The following TFEB variants were observed in gnomAD, a reference collection of about 807,000 sequenced individuals.
The protein encoded by TFEB is T-cell transcription factor EB.
In TFEB, 12 loss-of-function variants were observed where a neutral mutation model predicts 48.0. That is an observed-to-expected ratio of 0.25 (90% confidence interval 0.16 to 0.40). The LOEUF (loss-of-function observed/expected upper bound fraction) is 0.40, where lower values mean the gene tolerates loss of function less well. Ranked by LOEUF, TFEB falls within the 10% of genes least tolerant of loss-of-function variation. TFEB has a pLI of 1.00. For synonymous variants in TFEB, 244 were observed against 261.4 expected (o/e 0.93, Z 0.64); for missense variants, 509 against 640.3 (o/e 0.79, Z 2.21).
At chr6:41,709,766 T>C (rs1770400096) in intron 1 of TFEB, among the ~76,000 whole-genome samples, 1 of 152,192 alleles carries the variant, frequency 6.6e-6, no homozygotes, top group Admixed American at 6.6e-5. Context: ...TCTGGTTCAA[T>C]ATCCCTTTCC....
At chr6:41,713,822 G>A (rs1233896141) in intron 1 of TFEB, among the ~76,000 whole-genome samples, 1 of 152,138 alleles carries the variant, frequency 6.6e-6, no homozygotes, top group Non-Finnish European at 1.5e-5. Flanking sequence ...CAGTCATAAC[G>A]ACACAGATAG....
intron 1 of TFEB, among the ~76,000 whole-genome samples, chr6:41,731,547 G>T (rs576637830): frequency 6.6e-6 from 1 of 151,806 alleles, no homozygotes; most frequent in East Asian, 1.9e-4. Context: ...TAGAAGGTTC[G>T]CTTTGGAGGG....
intron 1 of TFEB, among the ~76,000 whole-genome samples, chr6:41,705,214 C>T (rs946361245): frequency 5.9e-5 from 9 of 152,190 alleles, no homozygotes. Context: ...TGGAGGCTCC[C>T]ACAGCAGGTC....
intron 1 of TFEB, among the ~76,000 whole-genome samples, chr6:41,696,805 C>A (rs185901793): frequency 6.6e-6 from 1 of 152,128 alleles, no homozygotes; most frequent in African/African-American, 2.4e-5. Context: ...AGATGACTCT[C>A]GCAGACATAA....
chr6:41,685,395 G>A (rs770794818), intron 8 of TFEB, among the ~76,000 whole-genome samples: 29 of 152,208 alleles, frequency 1.9e-4, no homozygotes, highest in Non-Finnish European at 3.7e-4. Flanking sequence ...TATTAAGGAC[G>A]AGGGGAGCGT....
chr6:41,696,200 G>A (rs969942757), intron 1 of TFEB, among the ~76,000 whole-genome samples: 3 of 152,160 alleles, frequency 2.0e-5, no homozygotes, highest in Non-Finnish European at 4.4e-5. Context: ...ACTGCCTTGG[G>A]GATTTTTCTG....
At chr6:41,707,897 C>T (rs906641269) in intron 1 of TFEB, among the ~76,000 whole-genome samples, 3 of 152,284 alleles carry the variant, frequency 2.0e-5, no homozygotes, top group Middle Eastern at 3.4e-3. Context: ...AAGAGGCAGG[C>T]GCAGTGACAG....
rs1307199696 is a variant in TFEB, at chr6:41,730,021, G to A, written c.-23+5329C>T. ...CATGGAATTTGCAGAAACACCGGGA[G>A]GGGCCCAGCATCTGTGTTTAAACAA... On this transcript the variant is annotated intron_variant, in intron 1 of 8. Coordinates refer to ENST00000373033, the MANE Select transcript of TFEB (RefSeq NM_001271944.2). The surrounding 1 kb of genome is among the most constrained non-coding windows in gnomAD (Gnocchi z 4.1). Among the ~76,000 whole-genome samples, 2 of 152,156 alleles carry A rather than the reference G, an allele frequency of 1.3e-5. No homozygotes were observed. Among genetic ancestry groups the A allele is most frequent in the African/African-American group, 4.8e-5 (2 of 41,422 alleles).
intron 1 of TFEB, among the ~76,000 whole-genome samples, chr6:41,699,226 T>A (rs2127454962): frequency 6.6e-6 from 1 of 152,372 alleles, no homozygotes; most frequent in South Asian, 2.1e-4. Context: ...TAAGTTGTCT[T>A]GCAGGTGTGA....
At chr6:41,711,116 G>A (rs577653685) in intron 1 of TFEB, among the ~76,000 whole-genome samples, 8 of 152,370 alleles carry the variant, frequency 5.3e-5, no homozygotes, top group South Asian at 4.1e-4. Flanking sequence ...TTCTAAAGCC[G>A]TGATAGAGCC....
intron 6 of TFEB, 84 bp downstream of exon 6, chr6:41,687,669 G>A (rs1330086313): frequency 6.4e-7 from 1 of 1,567,052 alleles, no homozygotes; most frequent in Non-Finnish European, 8.8e-7. Flanking sequence ...CCTTCCACCA[G>A]TGCAGGTCAG....
chr6:41,695,114 A>G (rs1769509207), intron 1 of TFEB, among the ~76,000 whole-genome samples: 1 of 152,202 alleles, frequency 6.6e-6, no homozygotes, highest in Non-Finnish European at 1.5e-5. Context: ...CGACTTCAGA[A>G]AGCTACTTCA....
chr6:41,719,699 C>T (rs1274721322), intron 1 of TFEB, among the ~76,000 whole-genome samples: 1 of 152,316 alleles, frequency 6.6e-6, no homozygotes, highest in South Asian at 2.1e-4. Flanking sequence ...ATAGCTCTCA[C>T]AACAACCCTT....
chr6:41,692,825 T>A (rs1162778777), intron 1 of TFEB, among the ~76,000 whole-genome samples: 1 of 152,180 alleles, frequency 6.6e-6, no homozygotes, highest in Non-Finnish European at 1.5e-5. Flanking sequence ...GGTCCCATCT[T>A]GGGGATATTG....
intron 1 of TFEB, among the ~76,000 whole-genome samples, chr6:41,728,252 C>T (rs1488362992): frequency 6.6e-6 from 1 of 152,224 alleles, no homozygotes; most frequent in Admixed American, 6.5e-5. Context: ...CCCTGCTTGG[C>T]CAGCCCAGTG....
chr6:41,684,602 C>T lies in TFEB; in HGVS notation c.1428G>A (p.Leu476=), dbSNP rs1404619229. The T allele has an allele frequency of 1.3e-6, 2 of 1,571,290 alleles. No individual in the cohort carries two copies. Among genetic ancestry groups the T allele is most frequent in the Non-Finnish European group, 1.7e-6 (2 of 1,159,498 alleles). ...CCTGGCACAGGGGCAGCCAGGGTCA[C>T]AGCACATCGCCCTCCTCCATGCTGA... ...SSFSMEEGDV[L] Residue 476 remains leucine (L), a synonymous_variant, in exon 9 of 9, where the codon CTG becomes CTA. Coordinates refer to ENST00000373033, the MANE Select transcript of TFEB (RefSeq NM_001271944.2).
intron 8 of TFEB, among the ~76,000 whole-genome samples, chr6:41,685,538 T>G (rs1768954180): frequency 6.6e-6 from 1 of 152,174 alleles, no homozygotes; most frequent in Non-Finnish European, 1.5e-5. Flanking sequence ...GCCTCAGGTC[T>G]AAAGAGGACA....
At chr6:41,727,026 A>G (rs1397059609) in intron 1 of TFEB, among the ~76,000 whole-genome samples, 1 of 151,938 alleles carries the variant, frequency 6.6e-6, no homozygotes, top group East Asian at 1.9e-4. Flanking sequence ...CCCTCAACCC[A>G]CAGGAGCCGA....
At chr6:41,715,563 G>C (rs1381170692) in intron 1 of TFEB, among the ~76,000 whole-genome samples, 1 of 151,964 alleles carries the variant, frequency 6.6e-6, no homozygotes, top group Non-Finnish European at 1.5e-5. Flanking sequence ...CCAGCTACTC[G>C]GGAGACTGAG....
Sources: allele counts gnomAD v4.1 joint callset (sites outside exome capture counted in the v4.1 genomes callset), GRCh38; gene constraint gnomAD v4.1.1; non-coding constraint Gnocchi (gnomAD v3.1); transcripts MANE v1.5; gene names NCBI Gene and HGNC (gene_info 2026-07-23, HGNC 2026-07-21).